Variants in INPP5E observed in about 807,000 individuals in gnomAD.
INPP5E encodes inositol polyphosphate-5-phosphatase E, also known as phosphatidylinositol polyphosphate 5-phosphatase type IV.
Under a neutral mutation model 50.5 loss-of-function variants are expected in INPP5E, and 34 were observed. That is an observed-to-expected ratio of 0.67 (90% CI 0.51 to 0.90). The LOEUF (loss-of-function observed/expected upper bound fraction) is 0.90. INPP5E is among the 40% of genes least tolerant of loss of function. The pLI is 0.00. For synonymous variants in INPP5E, 447 were observed against 406.0 expected (o/e 1.10, Z -1.21); for missense variants, 942 against 905.5 (o/e 1.04, Z -0.52).
chr9:136,434,316 C>T (rs1479545448), intron 2 of INPP5E, among the ~76,000 whole-genome samples, 182 bp from the exon 3 acceptor site: 2 of 152,226 alleles, frequency 1.3e-5, no homozygotes, highest in African/African-American at 4.8e-5. Context: ...ACACGCCTCA[C>T]GTTGGCCCTC....
rs778679200 is a variant in INPP5E at position 136,433,145 on chromosome 9, C to CTG, written c.1159+9_1159+10insCA. The CTG allele has an allele frequency of 5.0e-6, 8 of 1,607,898 alleles. No homozygotes were observed. The highest frequency in any genetic ancestry group is 6.8e-6 in the Non-Finnish European group (8 of 1,179,632). ...CTTCCAGCCGCGCCCACCCCTCCAG[C>CTG]CGCGCCCACCTGAGCAGAACCAGAT... On this transcript the variant is annotated intron_variant, in intron 4 of 9. Transcript: ENST00000371712.
chr9:136,431,152 C>G (rs764474056), intron 7 of INPP5E, 35 bp from the exon 8 acceptor site: 1 of 1,396,670 alleles, frequency 7.2e-7, no homozygotes, highest in Non-Finnish European at 1.0e-6. Flanking sequence ...TGGCTCAGAC[C>G]AGCTTGTGCC....
At position 136,432,589 on chromosome 9, in the gene INPP5E, G is replaced by A. The variant is rs200401195; in HGVS notation, c.1280-3C>T. ...CTCCGCCACCTTCCCGTCACCTGCT[G>A]TGGGAACAGAAATGGGGTAGGGACC... On this transcript the variant is annotated splice_region_variant and splice_polypyrimidine_tract_variant and intron_variant, in intron 5 of 9. Transcript: ENST00000371712. 6.5e-7 allele frequency: 1 copy of A among 1,532,950 alleles called. No individual in the cohort carries two copies. Among genetic ancestry groups the A allele is most frequent in the East Asian group, 2.4e-5 (1 of 40,908 alleles). The allele number at this position is 1,532,950 out of a possible 1,614,324, so 95.0% of individuals were successfully genotyped here. A position where few individuals can be genotyped will look rare whatever the true frequency, so the allele number is the denominator to read the frequency against.
intron 3 of INPP5E, 113 bp downstream of exon 3, chr9:136,433,924 C>T: frequency 1.2e-6 from 1 of 840,642 alleles, no homozygotes; most frequent in South Asian, 1.4e-5. Context: ...AGATGGCAGC[C>T]CCCGGGCAGG....
Position 136,434,799 on chromosome 9 carries a change from A to C in INPP5E, c.877T>G (p.Tyr293Asp), listed in dbSNP as rs1241112128. Reference sequence around the variant, plus strand: ...AGTGCCACGTTCCGGTCTGGGAAGTAGCGGGCCAGCTCATCCGCCCCCAAC... The same window carrying C: ...AGTGCCACGTTCCGGTCTGGGAAGTCGCGGGCCAGCTCATCCGCCCCCAAC... Reference protein sequence around the residue: ...ALLGADELARYFPDRNVALFV... With the variant: ...ALLGADELARDFPDRNVALFV... The change falls in exon 2 of 10, where the codon TAC (tyrosine) becomes GAC (aspartate). Residue 293 changes from tyrosine to aspartate, a missense_variant. Physicochemically the swap from Tyr to Asp is radical, Grantham distance 160. Transcript: ENST00000371712. The C allele has an allele frequency of 1.2e-6, 2 of 1,611,216 alleles. No individual in the cohort carries two copies. Among genetic ancestry groups the C allele is most frequent in the Non-Finnish European group, 1.7e-6 (2 of 1,179,490 alleles).
At position 136,438,930 on chromosome 9, in the gene INPP5E, C is replaced by G. The variant is rs1257673510; in HGVS notation, c.490G>C (p.Val164Leu). The change falls in exon 1 of 10, where the codon GTG becomes CTG. Residue 164 changes from valine to leucine, a missense_variant. Transcript: ENST00000371712. ...PSSGGNPLSG[V>L]ASSSPNLPHR... ...GGGAGGTTCGGGGAGCTGCTGGCCA[C>G]CCCAGAGAGAGGGTTACCCCCCGAG... is the stretch of plus-strand genomic sequence containing the variant. 1.3e-6 allele frequency: 2 copies of G among 1,570,604 alleles called. No individual in the cohort carries two copies. Among genetic ancestry groups the G allele is most frequent in the Admixed American group, 3.8e-5 (2 of 52,672 alleles).
chr9:136,429,669 C>T lies in INPP5E; in HGVS notation c.*6G>A, dbSNP rs1835653010. Reference sequence around the variant, plus strand: ...GTTGCAGCTGTGAGTCCTCGTTCAGCAAACTTCAAGAAACGGAGCAGATGG... The same window carrying T: ...GTTGCAGCTGTGAGTCCTCGTTCAGTAAACTTCAAGAAACGGAGCAGATGG... On this transcript the variant is annotated 3_prime_UTR_variant, in exon 10 of 10. Coordinates refer to ENST00000371712, the MANE Select transcript of INPP5E (RefSeq NM_019892.6). 1 of 1,613,868 alleles carries T rather than the reference C, an allele frequency of 6.2e-7. No individual in the cohort carries two copies. The highest frequency in any genetic ancestry group is 8.5e-7 in the Non-Finnish European group (1 of 1,180,044).
At position 136,439,672 on chromosome 9, in the gene INPP5E, T is replaced by G; in HGVS notation, c.-253A>C. The G allele has an allele frequency of 2.8e-5, 9 of 319,530 alleles. No homozygotes were observed. The highest frequency in any genetic ancestry group is 2.3e-5 in the Non-Finnish European group (4 of 176,828). The allele number at this position is 319,530 out of a possible 1,614,324, so 19.8% of individuals were successfully genotyped here. A position where few individuals can be genotyped will look rare whatever the true frequency, so the allele number is the denominator to read the frequency against. On this transcript the variant is annotated 5_prime_UTR_variant, in exon 1 of 10. Coordinates refer to ENST00000371712, the MANE Select transcript of INPP5E (RefSeq NM_019892.6). ...GGCAAGGCCTGGGGGAACAGGCGGC[T>G]GGGCGCCTGTCGCGGGGGAGGTTCG...
intron 7 of INPP5E, 105 bp from the exon 8 acceptor site, chr9:136,431,222 A>G: frequency 3.9e-6 from 1 of 254,576 alleles, no homozygotes; most frequent in Middle Eastern, 8.9e-4. Context: ...CCCTCCCCCC[A>G]CCCGCCGCAG....
At chr9:136,438,509 T>C (rs1390648361) in intron 1 of INPP5E, 99 bp downstream of exon 1, 2 of 1,079,148 alleles carry the variant, frequency 1.9e-6, no homozygotes, top group South Asian at 2.7e-5. Context: ...CGGTTAGGCA[T>C]CTTAAACGCT....
intron 5 of INPP5E, 62 bp from the exon 6 acceptor site, chr9:136,432,648 G>A (rs1041171161): frequency 1.6e-5 from 18 of 1,150,198 alleles, no homozygotes; most frequent in East Asian, 7.6e-5. Context: ...TCCCTAAAGC[G>A]CCGCACCTCT....
At position 136,430,283 on chromosome 9, in the gene INPP5E, C is replaced by T. The variant is rs750836133; in HGVS notation, c.1796G>A (p.Arg599Gln). ...TGAGCGGGAGAACACTGACTTGTCT[C>T]GCCCCGGCCTCACTTTCACCCGGAA... is the stretch of plus-strand genomic sequence containing the variant. ...GLFRVKVRPGRDNIPLAAGKF... is the reference protein window; with the variant it reads ...GLFRVKVRPGQDNIPLAAGKF... The change falls in exon 9 of 10, where the codon CGA becomes CAA. Residue 599 changes from arginine (R) to glutamine (Q), a missense_variant. By Grantham distance (43) the Arg-to-Gln change is conservative. Coordinates refer to ENST00000371712, the MANE Select transcript of INPP5E (RefSeq NM_019892.6). The T allele has an allele frequency of 1.9e-6, 3 of 1,551,274 alleles. No homozygotes were observed. Among genetic ancestry groups the T allele is most frequent in the African/African-American group, 1.4e-5 (1 of 73,054 alleles).
Position 136,433,503 on chromosome 9 carries a change from G to A in INPP5E, c.1035-224C>T, listed in dbSNP as rs372676996. On this transcript the variant is annotated intron_variant, in intron 3 of 9. Coordinates refer to ENST00000371712, the MANE Select transcript of INPP5E (RefSeq NM_019892.6). ...ACTTGAGTGGCTCCCCTGGACCCCCGCCGAGACCCCAGTGAGCAGAGCTCC... is the reference window on the plus strand; with the variant it reads ...ACTTGAGTGGCTCCCCTGGACCCCCACCGAGACCCCAGTGAGCAGAGCTCC... Among the ~76,000 whole-genome samples, 46 of 152,226 alleles carry A rather than the reference G, an allele frequency of 3.0e-4. No individual in the cohort carries two copies. The East Asian group carries it at 4.8e-3, about 16-fold the overall frequency.
At position 136,430,419 on chromosome 9, in the gene INPP5E, G is replaced by C; in HGVS notation, c.1666-6C>G. ...CTTCTGTACAAGACGCGGTCCTTTG[G>C]GAAGATTGCAGAGGCAGGAGGTCCA... On this transcript the variant is annotated splice_region_variant and splice_polypyrimidine_tract_variant and intron_variant, in intron 8 of 9. Transcript: ENST00000371712. The C allele has an allele frequency of 6.4e-7, 1 of 1,554,764 alleles. No individual in the cohort carries two copies.
At position 136,438,696 on chromosome 9, in the gene INPP5E, G is replaced by A. The variant is rs1835897617; in HGVS notation, c.724C>T (p.Pro242Ser). The change falls in exon 1 of 10, where the codon CCC (proline) becomes TCC (serine). Residue 242 changes from proline to serine, a missense_variant. Transcript: ENST00000371712. ...AGGGAACAGTCGTCGCAGGCCAGGG[G>A]GCTCCGCGGCCGGCCGGGGCCCAGG... ...SSLGPGRPRS[P>S]LACDDCSLRS... 1 of 1,601,100 alleles carries A rather than the reference G, an allele frequency of 6.2e-7. No individual in the cohort carries two copies. The highest frequency in any genetic ancestry group is 8.5e-7 in the Non-Finnish European group (1 of 1,174,218).
At chr9:136,432,117 A>G (rs1261686330) in intron 6 of INPP5E, 132 bp from the exon 7 acceptor site, 13 of 1,125,840 alleles carry the variant, frequency 1.2e-5, no homozygotes, top group Non-Finnish European at 2.6e-6. Flanking sequence ...CCGGGCCCTC[A>G]GGGGTGGGAT....
In INPP5E at chr9:136,438,785, A is replaced by C. The variant is rs533861933; in HGVS notation, c.635T>G (p.Val212Gly). 11 of 1,612,128 alleles carry C rather than the reference A, an allele frequency of 6.8e-6. No individual in the cohort carries two copies. The South Asian group carries it at 9.9e-5, about 14-fold the overall frequency. Residue 212 changes from valine (V) to glycine (G), a missense_variant, in exon 1 of 10, where the codon GTC (valine) becomes GGC (glycine). Coordinates refer to ENST00000371712, the MANE Select transcript of INPP5E (RefSeq NM_019892.6). Reference sequence around the variant, plus strand: ...CTTGTAGTCTGCAAGATCCGAGTCGACCTTGTTTGCTGTCCTCAGGGAGTC... The same window carrying C: ...CTTGTAGTCTGCAAGATCCGAGTCGCCCTTGTTTGCTGTCCTCAGGGAGTC... Reference protein sequence around the residue: ...ASDSLRTANKVDSDLADYKLR... With the variant: ...ASDSLRTANKGDSDLADYKLR...
chr9:136,434,625 G>A (rs1409781894), intron 2 of INPP5E, 115 bp downstream of exon 2: 8 of 1,420,988 alleles, frequency 5.6e-6, no homozygotes, highest in East Asian at 5.0e-5. Flanking sequence ...GGTGCACCTC[G>A]GGGCTCTGCC....
chr9:136,434,310 G>A (rs1265798508), intron 2 of INPP5E, among the ~76,000 whole-genome samples, 176 bp from the exon 3 acceptor site: 5 of 152,184 alleles, frequency 3.3e-5, no homozygotes, highest in East Asian at 3.9e-4. Flanking sequence ...CACCAAACAC[G>A]CCTCACGTTG....
Sources: allele counts gnomAD v4.1 joint callset (sites outside exome capture counted in the v4.1 genomes callset), GRCh38; gene constraint gnomAD v4.1.1; transcripts MANE v1.5; gene names NCBI Gene and HGNC (gene_info 2026-07-23, HGNC 2026-07-21).